The following PPFIA2 variants were observed in gnomAD, a reference collection of about 807,000 sequenced individuals.
PPFIA2 encodes the protein PPFI scaffold protein A2, also known as liprin-alpha-2.
In PPFIA2, 46 loss-of-function variants were observed where a neutral mutation model predicts 175.5. The ratio of observed to expected loss-of-function variants is 0.26; its 90% CI spans 0.21 to 0.34. PPFIA2 has a LOEUF of 0.34. PPFIA2 is among the 10% of genes least tolerant of loss of function. The pLI, the probability that PPFIA2 is intolerant of heterozygous loss-of-function variation, is 1.00. For missense variants in PPFIA2, 1,179 were observed against 1,506.1 expected, an observed-to-expected ratio of 0.78 and a Z score of 3.60; for synonymous variants, 568 against 511.4, an observed-to-expected ratio of 1.11 and a Z score of -1.49.
intron 4 of PPFIA2, among the ~76,000 whole-genome samples, chr12:81,598,654 G>T (rs2059499722): frequency 6.6e-6 from 1 of 150,872 alleles, no homozygotes. Flanking sequence ...TTTTTTTAAA[G>T]GGAGTTCTTT....
At chr12:81,710,201 T>C (rs2077709722) in intron 3 of PPFIA2, among the ~76,000 whole-genome samples, 2 of 151,946 alleles carry the variant, frequency 1.3e-5, no homozygotes, top group Admixed American at 1.3e-4. Context: ...ATATCTTTAG[T>C]TGCTTTACAG....
intron 27 of PPFIA2, among the ~76,000 whole-genome samples, chr12:81,277,764 C>T (rs2040908866): frequency 1.3e-5 from 2 of 152,052 alleles, no homozygotes; most frequent in African/African-American, 2.4e-5. Context: ...TTAAAGTCCC[C>T]ATTATGGAGA....
chr12:81,472,777 TA>T (rs1449617527), intron 4 of PPFIA2: 4 of 151,954 alleles, frequency 2.6e-5, no homozygotes, highest in African/African-American at 7.3e-5. Context: ...CAAAAAAAAC[TA>T]AAAACAAATA....
intron 4 of PPFIA2, chr12:81,676,519 C>T (rs2072540955): frequency 4.4e-6 from 1 of 226,368 alleles, no homozygotes; most frequent in African/African-American, 2.3e-5. Context: ...GTTAGTAGAA[C>T]ATAAATTACT....
At chr12:81,477,630 C>T (rs575952412) in intron 4 of PPFIA2, among the ~76,000 whole-genome samples, 15 of 152,208 alleles carry the variant, frequency 9.9e-5, no homozygotes, top group African/African-American at 2.9e-4. Flanking sequence ...TGAATTTTAT[C>T]GAAGGCCTTT....
intron 7 of PPFIA2, among the ~76,000 whole-genome samples, chr12:81,418,334 G>A (rs1006831893): frequency 1.3e-5 from 2 of 151,678 alleles, no homozygotes; most frequent in African/African-American, 4.8e-5. Context: ...ACTTGCCAAC[G>A]CTAATTTCTA....
At chr12:81,660,257 G>A (rs980025407) in intron 4 of PPFIA2, among the ~76,000 whole-genome samples, 1 of 152,144 alleles carries the variant, frequency 6.6e-6, no homozygotes, top group Non-Finnish European at 1.5e-5. Flanking sequence ...CCGAGGTAAA[G>A]GAGGAAGTTC....
At chr12:81,317,464 G>C (rs1196053981) in intron 22 of PPFIA2, among the ~76,000 whole-genome samples, 1 of 151,438 alleles carries the variant, frequency 6.6e-6, no homozygotes. Flanking sequence ...GACTATTGTA[G>C]TATGATGGCT....
chr12:81,730,668 C>A (rs1015268476), intron 3 of PPFIA2, among the ~76,000 whole-genome samples: 1 of 151,596 alleles, frequency 6.6e-6, no homozygotes, highest in Admixed American at 6.6e-5. Context: ...AAAACAAACA[C>A]TTGGACCAGA....
intron 30 of PPFIA2, among the ~76,000 whole-genome samples, chr12:81,265,816 A>C (rs958313982): frequency 6.6e-6 from 1 of 152,140 alleles, no homozygotes; most frequent in Non-Finnish European, 1.5e-5. Flanking sequence ...CTCTTCAATA[A>C]TTTTTTATTA....
At chr12:81,436,843 G>T (rs941887213) in intron 7 of PPFIA2, among the ~76,000 whole-genome samples, 3 of 152,110 alleles carry the variant, frequency 2.0e-5, no homozygotes, top group Non-Finnish European at 4.4e-5. Context: ...TCTAAATAGG[G>T]ATTCGAGTTA....
intron 4 of PPFIA2, among the ~76,000 whole-genome samples, chr12:81,516,103 G>A (rs1281600967): frequency 6.6e-6 from 1 of 152,020 alleles, no homozygotes; most frequent in Admixed American, 6.6e-5. Flanking sequence ...TTGGGGAAGA[G>A]TAGAAGAGTG....
intron 16 of PPFIA2, 42 bp downstream of exon 16, chr12:81,358,040 A>G (rs1252261169): frequency 6.7e-7 from 1 of 1,489,034 alleles, no homozygotes; most frequent in Non-Finnish European, 9.0e-7. Flanking sequence ...GAAACTATGT[A>G]TTTAAATAAA....
At chr12:81,653,457 A>C (rs1054894536) in intron 4 of PPFIA2, among the ~76,000 whole-genome samples, 3 of 152,028 alleles carry the variant, frequency 2.0e-5, no homozygotes, top group Admixed American at 2.0e-4. Flanking sequence ...TCCTTCTAAA[A>C]GCTCCAAAAG....
At chr12:81,735,865 A>T (rs2464742) in intron 3 of PPFIA2, among the ~76,000 whole-genome samples, 146,247 of 151,930 alleles carry the variant, frequency 0.96, 70,654 homozygotes, top group East Asian at 1. Flanking sequence ...AATTGGTATA[A>T]TTGTTGAAAA....
At chr12:81,566,129 C>G (rs912945792) in intron 4 of PPFIA2, among the ~76,000 whole-genome samples, 4 of 152,170 alleles carry the variant, frequency 2.6e-5, no homozygotes, top group Admixed American at 6.5e-5. Context: ...TATGCTCACT[C>G]CAGGCATTTT....
chr12:81,364,349 G>T (rs2032311333), intron 14 of PPFIA2, among the ~76,000 whole-genome samples: 1 of 151,682 alleles, frequency 6.6e-6, no homozygotes, highest in South Asian at 2.1e-4. Context: ...CATGAGATAG[G>T]CAACAATTGA....
At chr12:81,529,982 TA>T (rs1215803983) in intron 4 of PPFIA2, among the ~76,000 whole-genome samples, 1 of 151,874 alleles carries the variant, frequency 6.6e-6, no homozygotes, top group Non-Finnish European at 1.5e-5. Flanking sequence ...AAAAGTTTTT[TA>T]AAAAAATGAT....
At chr12:81,591,853 A>G (rs1286748571) in intron 4 of PPFIA2, among the ~76,000 whole-genome samples, 2 of 152,072 alleles carry the variant, frequency 1.3e-5, no homozygotes, top group Non-Finnish European at 2.9e-5. Flanking sequence ...GGCAGTGCAG[A>G]AAAAAATGTG....
Sources: allele counts gnomAD v4.1 joint callset (sites outside exome capture counted in the v4.1 genomes callset), GRCh38; gene constraint gnomAD v4.1.1; transcripts MANE v1.5; gene names NCBI Gene and HGNC (gene_info 2026-07-23, HGNC 2026-07-21).